The following P2RX1 variants were observed in gnomAD, a reference collection of about 807,000 sequenced individuals.
The protein encoded by P2RX1 is purinergic receptor P2X 1, also known as P2X purinoceptor 1.
P2RX1 carries 42 observed loss-of-function variants against 50.3 expected under a neutral mutation model. The observed-to-expected ratio is 0.83, with a 90% CI of 0.65 to 1.08. The LOEUF (loss-of-function observed/expected upper bound fraction) is 1.08, where lower values mean the gene tolerates loss of function less well. P2RX1 is among the 50% of genes least tolerant of loss of function. The probability of loss-of-function intolerance (pLI) is 0.00; values close to 1 mark genes in which losing one functional copy is unlikely to be tolerated. For synonymous variants in P2RX1, 199 were observed against 202.6 expected, an observed-to-expected ratio of 0.98 and a Z score of 0.15; for missense variants, 449 against 529.0, an observed-to-expected ratio of 0.85 and a Z score of 1.48.
At position 3,905,420 on chromosome 17, in the gene P2RX1, G is replaced by A. The variant is rs567590593; in HGVS notation, c.138-53C>T. 5.0e-4 allele frequency: 806 copies of A among 1,599,506 alleles called. 15 individuals are homozygous for A. The South Asian group carries it at 8.0e-3, about 16-fold the overall frequency. ...TGTGGTTGTGGCACCAGCTGGACCT[G>A]TCACACGCTTTCCCACGCCCTCCCC... On this transcript the variant is annotated intron_variant, in intron 1 of 11. Coordinates refer to ENST00000225538, the MANE Select transcript of P2RX1 (RefSeq NM_002558.4).
At chr17:3,897,980 G>T (rs369250084) in intron 11 of P2RX1, 29 bp downstream of exon 11, 1 of 1,611,544 alleles carries the variant, frequency 6.2e-7, no homozygotes, top group Admixed American at 1.7e-5. Flanking sequence ...GGAGGCCTTC[G>T]AAGGGCCTGG....
Position 3,896,913 on chromosome 17 carries a change from T to C in P2RX1, c.*901A>G, listed in dbSNP as rs2056034293. 6.6e-6 allele frequency: 1 copy of C among 152,374 alleles called. No homozygotes were observed. Among genetic ancestry groups the C allele is most frequent in the African/African-American group, 2.4e-5 (1 of 41,454 alleles). 9.4% of individuals were successfully genotyped at this position (152,374 alleles called of 1,614,324 possible). On this transcript the variant is annotated 3_prime_UTR_variant, in exon 12 of 12. Coordinates refer to ENST00000225538, the MANE Select transcript of P2RX1 (RefSeq NM_002558.4). ...TGTTCACATACACAGTGTGGAAGGA[T>C]GCTGTGTGCACGTAGGTGGTGTGTA...
At chr17:3,912,835 C>A (rs2056388101) in intron 1 of P2RX1, among the ~76,000 whole-genome samples, 1 of 152,182 alleles carries the variant, frequency 6.6e-6, no homozygotes, top group South Asian at 2.1e-4. Flanking sequence ...CCATCCTTCT[C>A]CCTGATTGGT....
chr17:3,913,780 C>A (rs2056403466), intron 1 of P2RX1, among the ~76,000 whole-genome samples: 1 of 152,216 alleles, frequency 6.6e-6, no homozygotes, highest in Non-Finnish European at 1.5e-5. Flanking sequence ...CCTTTCCATC[C>A]CCTGGCAGTG....
intron 1 of P2RX1, chr17:3,915,821 A>C: frequency 3.4e-6 from 2 of 593,086 alleles, no homozygotes; most frequent in Non-Finnish European, 6.3e-6. Flanking sequence ...ACTCAAAGGA[A>C]CCATAACACT....
In P2RX1 at chr17:3,898,826, G is replaced by A; in HGVS notation, c.966+108C>T. 5.4e-6 allele frequency: 5 copies of A among 927,414 alleles called. No individual in the cohort carries two copies. In the South Asian group the frequency reaches 6.5e-5, roughly 12 times the overall value. The allele number at this position is 927,414 out of a possible 1,614,324, so 57.4% of individuals were successfully genotyped here. Reference sequence around the variant, plus strand: ...ATCTGTTATTAGAAGTAAAACTGCTGGATGAACCCACCCAACTTCCGGTTG... The same window carrying A: ...ATCTGTTATTAGAAGTAAAACTGCTAGATGAACCCACCCAACTTCCGGTTG... On this transcript the variant is annotated intron_variant, in intron 9 of 11. Coordinates refer to ENST00000225538, the MANE Select transcript of P2RX1 (RefSeq NM_002558.4).
At chr17:3,908,848 C>T (rs558327455) in intron 1 of P2RX1, among the ~76,000 whole-genome samples, 2 of 152,278 alleles carry the variant, frequency 1.3e-5, no homozygotes, top group African/African-American at 4.8e-5. Context: ...TGCTCCCCAG[C>T]TGTGTGGCTT....
intron 1 of P2RX1, among the ~76,000 whole-genome samples, chr17:3,913,387 A>T (rs2056396864): frequency 6.6e-6 from 1 of 152,082 alleles, no homozygotes; most frequent in Admixed American, 6.5e-5. Flanking sequence ...TCAGCCTCCC[A>T]AAGTGTTGGG....
rs74753845 is a variant in P2RX1, at chr17:3,903,879, G to C, written c.524+49C>G. 1,252 of 1,481,658 alleles carry C rather than the reference G, an allele frequency of 8.4e-4. 10 individuals are homozygous for C. The African/African-American group carries it at 0.016, about 18-fold the overall frequency. 91.8% of individuals were successfully genotyped at this position (1,481,658 alleles called of 1,614,324 possible). A position where few individuals can be genotyped will look rare whatever the true frequency, so the allele number is the denominator to read the frequency against. The stretch of plus-strand genomic sequence containing the variant: ...CCTTTCTAGACCTAGGCCCCCCTCT[G>C]TCTGGCCTGGGACCCTGTTCTTAGC... On this transcript the variant is annotated intron_variant, in intron 5 of 11. Coordinates refer to ENST00000225538, the MANE Select transcript of P2RX1 (RefSeq NM_002558.4). The surrounding 1 kb of genome is among the most constrained non-coding windows in gnomAD (Gnocchi z 4.6).
Position 3,897,435 on chromosome 17 carries a change from A to G in P2RX1, c.*379T>C. ...TATTTTATTTTAGTTTAATTTAGTC[A>G]CCTATGGTTACTGACTGCCACATCG... On this transcript the variant is annotated 3_prime_UTR_variant, in exon 12 of 12. Transcript: ENST00000225538. 3.0e-6 allele frequency: 1 copy of G among 337,228 alleles called. No homozygotes were observed. Among genetic ancestry groups the G allele is most frequent in the Non-Finnish European group, 5.7e-6 (1 of 176,150 alleles). The allele number at this position is 337,228 out of a possible 1,614,324, so 20.9% of individuals were successfully genotyped here.
chr17:3,906,616 C>T (rs1387117886), intron 1 of P2RX1, among the ~76,000 whole-genome samples: 3 of 152,210 alleles, frequency 2.0e-5, no homozygotes, highest in African/African-American at 7.2e-5. Context: ...GGGCTTGCAG[C>T]GTCCAGCCCC....
intron 1 of P2RX1, among the ~76,000 whole-genome samples, chr17:3,912,274 TAAACCACCGGATACCCCC>T (rs2056378556): frequency 6.6e-6 from 1 of 152,180 alleles, no homozygotes; most frequent in Admixed American, 6.5e-5. Flanking sequence ...TTCAGTTACA[TAAACCACCGGATACCCCC>T]ACCTTTCCTT....
At chr17:3,898,200 G>A (rs2056069507) in intron 10 of P2RX1, 90 bp from the exon 11 acceptor site, 2 of 1,166,568 alleles carry the variant, frequency 1.7e-6, no homozygotes, top group Non-Finnish European at 1.3e-6. Context: ...TGGTGGTGAG[G>A]CCCTGGCTGG....
rs2056099889 is a variant in P2RX1 at position 3,899,677 on chromosome 17, C to T, written c.832G>A (p.Gly278Arg). The change falls in exon 8 of 12, where the codon GGG becomes AGG. Residue 278 changes from glycine (G) to arginine (R), a missense_variant. Transcript: ENST00000225538. ...RHCRPIYEFH[G>R]LYEEKNLSPG... ...GAGAGATTTTTCTCTTCGTACAGCC[C>T]ATGGAACTCATAGATGGGTCTGCAG... 1 of 1,613,946 alleles carries T rather than the reference C, an allele frequency of 6.2e-7. No individual in the cohort carries two copies. The highest frequency in any genetic ancestry group is 8.5e-7 in the Non-Finnish European group (1 of 1,179,894).
intron 1 of P2RX1, among the ~76,000 whole-genome samples, chr17:3,911,568 A>C (rs1597528590): frequency 1.7e-5 from 2 of 116,006 alleles, no homozygotes; most frequent in Admixed American, 1.3e-4. Flanking sequence ...CGGCCTCTTC[A>C]CAGCTGTCCT....
chr17:3,899,524 G>A (rs950079571), intron 8 of P2RX1, 110 bp downstream of exon 8: 15 of 1,453,538 alleles, frequency 1.0e-5, no homozygotes, highest in African/African-American at 1.4e-5. Context: ...GAGCTGCCCA[G>A]GACCCTCTGC....
chr17:3,908,907 G>C (rs1277546219), intron 1 of P2RX1, among the ~76,000 whole-genome samples: 7 of 152,260 alleles, frequency 4.6e-5, no homozygotes, highest in Non-Finnish European at 8.8e-5. Flanking sequence ...CAATAAAACA[G>C]AGGTGACGCC....
At position 3,903,319 on chromosome 17, in the gene P2RX1, A is replaced by G. The variant is rs1481639085; in HGVS notation, c.630T>C (p.Asn210=). ...VNRRNLVEEV[N]AAHMKTCLFH... Reference sequence around the variant, plus strand: ...AGAGGCAGGTCTTCATGTGGGCAGCATTCACCTCCTCCACCAGGTTGCGCC... The same window carrying G: ...AGAGGCAGGTCTTCATGTGGGCAGCGTTCACCTCCTCCACCAGGTTGCGCC... Residue 210 remains asparagine, a synonymous_variant, in exon 7 of 12, where the codon AAT becomes AAC. Coordinates refer to ENST00000225538, the MANE Select transcript of P2RX1 (RefSeq NM_002558.4). The surrounding 1 kb of genome is among the most constrained non-coding windows in gnomAD (Gnocchi z 4.6). 2.5e-6 allele frequency: 4 copies of G among 1,614,114 alleles called. No individual in the cohort carries two copies. The highest frequency in any genetic ancestry group is 2.2e-5 in the East Asian group (1 of 44,874).
chr17:3,915,951 C>A lies in P2RX1; in HGVS notation c.137+138G>T, dbSNP rs960114975. On this transcript the variant is annotated intron_variant, in intron 1 of 11. Transcript: ENST00000225538. The stretch of plus-strand genomic sequence containing the variant: ...GAGTTGGCAGGATTTTCTATTCTCG[C>A]ACAGTGGCTTGCCAGGAAGGCCTTC... 5 of 1,045,170 alleles carry A rather than the reference C, an allele frequency of 4.8e-6. No homozygotes were observed. In the African/African-American group the frequency reaches 6.3e-5, roughly 13 times the overall value. The allele number at this position is 1,045,170 out of a possible 1,614,324, so 64.7% of individuals were successfully genotyped here. A position where few individuals can be genotyped will look rare whatever the true frequency, so the allele number is the denominator to read the frequency against.
Sources: gnomAD v4.1 joint callset for allele counts (sites outside exome capture counted in the v4.1 genomes callset) on GRCh38, gnomAD v4.1.1 for gene constraint, Gnocchi (gnomAD v3.1) non-coding constraint, MANE v1.5 for transcripts, NCBI Gene and HGNC (gene_info 2026-07-23, HGNC 2026-07-21) for gene names.